Variants in ARHGEF2 observed in about 807,000 individuals in gnomAD.
ARHGEF2 encodes the protein rho guanine nucleotide exchange factor 2.
In ARHGEF2, 22 loss-of-function variants were observed where a neutral mutation model predicts 121.0. That is an observed-to-expected ratio of 0.18 (90% CI 0.13 to 0.26). The LOEUF (loss-of-function observed/expected upper bound fraction) is 0.26, where lower values mean the gene tolerates loss of function less well. ARHGEF2 is among the 10% of genes least tolerant of loss of function. The pLI is 1.00. For synonymous variants in ARHGEF2, 487 were observed against 530.0 expected (o/e 0.92, Z 1.11); for missense variants, 907 against 1,336.0 (o/e 0.68, Z 5.01).
chr1:155,952,589 A>T (rs1277694077), intron 15 of ARHGEF2, 39 bp downstream of exon 15: 7 of 1,569,656 alleles, frequency 4.5e-6, no homozygotes, highest in Non-Finnish European at 6.1e-6. Flanking sequence ...TGTGACGGTG[A>T]GTGCTTGAGC....
In ARHGEF2 at chr1:155,951,556, C is replaced by T. The variant is rs759875216; in HGVS notation, c.2209-23G>A. 235 of 1,614,024 alleles carry T rather than the reference C, an allele frequency of 1.5e-4. No homozygotes were observed. The highest frequency in any genetic ancestry group is 1.9e-4 in the Non-Finnish European group (226 of 1,180,028). On this transcript the variant is annotated intron_variant, in intron 18 of 21. Transcript: ENST00000361247. This position sits in a 1 kb window ranked among gnomAD's most constrained non-coding sequence, Gnocchi z 5.1. ...CTCCTGAGGACAGACAGGGTGGGAA[C>T]AGGGCCCCAGCTTTAGGATGGGAGA...
chr1:155,964,890 C>T (rs1679036160), intron 7 of ARHGEF2, 98 bp downstream of exon 7: 1 of 1,148,670 alleles, frequency 8.7e-7, no homozygotes, highest in Admixed American at 2.9e-5. Flanking sequence ...GAGACTCCAT[C>T]TCAAAAAAAA....
chr1:155,959,041 T>G lies in ARHGEF2; in HGVS notation c.1469-645A>C, dbSNP rs73004907. 9.7e-3 allele frequency among the ~76,000 whole-genome samples: 1,480 copies of G among 152,166 alleles called. 27 individuals are homozygous for G. Among genetic ancestry groups the G allele is most frequent in the African/African-American group, 0.034 (1,428 of 41,508 alleles). ...CCCTTTCTACCTGACTGATTCAGGTTTCTTAACCTAGGGCCTACAGACCCC... is the reference window on the plus strand; with the variant it reads ...CCCTTTCTACCTGACTGATTCAGGTGTCTTAACCTAGGGCCTACAGACCCC... On this transcript the variant is annotated intron_variant, in intron 11 of 21. Transcript: ENST00000361247.
intron 2 of ARHGEF2, among the ~76,000 whole-genome samples, chr1:155,967,432 G>A (rs1293870422): frequency 6.6e-6 from 1 of 152,110 alleles, no homozygotes; most frequent in African/African-American, 2.4e-5. Context: ...TGGCTAAATC[G>A]TCCATCAGAG....
chr1:155,962,081 C>T lies in ARHGEF2; in HGVS notation c.1219+24G>A, dbSNP rs745565609. 1 of 1,613,168 alleles carries T rather than the reference C, an allele frequency of 6.2e-7. No homozygotes were observed. The highest frequency in any genetic ancestry group is 8.5e-7 in the Non-Finnish European group (1 of 1,179,220). ...CCCCAGGTGGCCGTCTCCCAGTGGC[C>T]CTCTCCTGGGCCTGCCTACTCACCG... On this transcript the variant is annotated intron_variant, in intron 10 of 21. Coordinates refer to ENST00000361247, the MANE Select transcript of ARHGEF2 (RefSeq NM_001162383.2). This position sits in a 1 kb window ranked among gnomAD's most constrained non-coding sequence, Gnocchi z 5.8.
In ARHGEF2 at chr1:155,962,466, G is replaced by T; in HGVS notation, c.1101+127C>A. ...AGGGGTTACTGCTGACAGGATCTGT[G>T]TATGGATGGTCTGCACGGGTGGCGA... On this transcript the variant is annotated intron_variant, in intron 9 of 21. Coordinates refer to ENST00000361247, the MANE Select transcript of ARHGEF2 (RefSeq NM_001162383.2). The surrounding 1 kb of genome is among the most constrained non-coding windows in gnomAD (Gnocchi z 5.8). The T allele has an allele frequency of 1.5e-6, 2 of 1,362,360 alleles. No homozygotes were observed. Among genetic ancestry groups the T allele is most frequent in the Non-Finnish European group, 2.0e-6 (2 of 981,288 alleles). 84.4% of individuals were successfully genotyped at this position (1,362,360 alleles called of 1,614,324 possible).
chr1:155,970,653 C>CCGAGGCAA lies in ARHGEF2; in HGVS notation c.64-1354_64-1353insTTGCCTCG, dbSNP rs1553248536. ...CTCTAGGAGACCAGTACTGACTCAG[C>CCGAGGCAA]CGAGGCCACGAGGCCACGCCAGCAG... On this transcript the variant is annotated intron_variant, in intron 1 of 21. Transcript: ENST00000361247. The CCGAGGCAA allele has an allele frequency of 8.1e-6, 8 of 985,476 alleles. 1 individual carries two copies. The East Asian group carries it at 3.4e-4, about 42-fold the overall frequency. The allele number at this position is 985,476 out of a possible 1,614,324, so 61.0% of individuals were successfully genotyped here.
At chr1:155,957,905 G>T (rs1447589918) in intron 12 of ARHGEF2, 23 bp from the exon 13 acceptor site, 5 of 1,609,280 alleles carry the variant, frequency 3.1e-6, no homozygotes, top group Non-Finnish European at 3.4e-6. Context: ...GGAAAGGAAG[G>T]ATTAAGCCTG....
chr1:155,960,376 G>C (rs2102654730), intron 11 of ARHGEF2, among the ~76,000 whole-genome samples: 1 of 151,884 alleles, frequency 6.6e-6, no homozygotes, highest in South Asian at 2.1e-4. Flanking sequence ...GTCTAAGGCA[G>C]AAGGATCACT....
In ARHGEF2 at chr1:155,962,160, A is replaced by C; in HGVS notation, c.1164T>G (p.Thr388=). Residue 388 remains threonine (T), a synonymous_variant, in exon 10 of 22, where the codon ACT becomes ACG. Transcript: ENST00000361247. This position sits in a 1 kb window ranked among gnomAD's most constrained non-coding sequence, Gnocchi z 5.8. The part of the protein sequence containing the change: ...HGVQECILLV[T]QRITKYPLLI... ...GTAACGGGTACTTGGTGATGCGCTG[A>C]GTCACCAGCAGGATGCACTCCTGTA... 1 of 1,614,142 alleles carries C rather than the reference A, an allele frequency of 6.2e-7. No homozygotes were observed. The highest frequency in any genetic ancestry group is 8.5e-7 in the Non-Finnish European group (1 of 1,180,026).
In ARHGEF2 at chr1:155,950,542, G is replaced by T. The variant is rs1675203501; in HGVS notation, c.2704-60C>A. 6.4e-7 allele frequency: 1 copy of T among 1,558,028 alleles called. No homozygotes were observed. Among genetic ancestry groups the T allele is most frequent in the African/African-American group, 1.4e-5 (1 of 74,072 alleles). ...GGACTGAGTAGTGTGAAGATTGGAG[G>T]TTCTGCTTGGCTGAAGGCAGCAGCT... On this transcript the variant is annotated intron_variant, in intron 20 of 21. Transcript: ENST00000361247. The surrounding 1 kb of genome is among the most constrained non-coding windows in gnomAD (Gnocchi z 5.2).
At position 155,950,491 on chromosome 1, in the gene ARHGEF2, A is replaced by G; in HGVS notation, c.2704-9T>C. The G allele has an allele frequency of 1.9e-6, 3 of 1,613,016 alleles. No individual in the cohort carries two copies. Among genetic ancestry groups the G allele is most frequent in the Non-Finnish European group, 2.5e-6 (3 of 1,179,810 alleles). ...TCAGTGCCTCGGCTGGGCTGTGGAC[A>G]GTGGGCAGGAAGAACAGCAGGTCAG... On this transcript the variant is annotated splice_polypyrimidine_tract_variant and intron_variant, in intron 20 of 21. Transcript: ENST00000361247. This position sits in a 1 kb window ranked among gnomAD's most constrained non-coding sequence, Gnocchi z 5.2.
At chr1:155,959,675 G>A (rs1677483062) in intron 11 of ARHGEF2, among the ~76,000 whole-genome samples, 1 of 152,094 alleles carries the variant, frequency 6.6e-6, no homozygotes, top group Non-Finnish European at 1.5e-5. Context: ...CTCCCAAGTA[G>A]CTGTGGCTAC....
At chr1:155,958,418 A>C (rs1677128624) in intron 11 of ARHGEF2, 22 bp from the exon 12 acceptor site, 1 of 1,600,220 alleles carries the variant, frequency 6.2e-7, no homozygotes, top group African/African-American at 1.3e-5. Context: ...TGAAGGTGGG[A>C]GAACAGTCAG....
chr1:155,970,570 CA>C (rs1680262112), intron 1 of ARHGEF2: 1 of 985,386 alleles, frequency 1.0e-6, no homozygotes, highest in Admixed American at 6.2e-5. Context: ...AGCCCCAAGT[CA>C]GAGGACCTGG....
chr1:155,958,352 C>T lies in ARHGEF2; in HGVS notation c.1513G>A (p.Glu505Lys). 6.2e-7 allele frequency: 1 copy of T among 1,613,942 alleles called. No homozygotes were observed. The highest frequency in any genetic ancestry group is 8.5e-7 in the Non-Finnish European group (1 of 1,179,902). Reference protein sequence around the residue: ...LMTDVLVFLQEKDQKYIFPTL... With the variant: ...LMTDVLVFLQKKDQKYIFPTL... ...GGAAAGATGTACTTCTGGTCCTTTT[C>T]CTGGAGAAACACCAGTACATCTGTC... Residue 505 changes from glutamate (E) to lysine (K), a missense_variant, in exon 12 of 22, where the codon GAA becomes AAA. Glu to Lys is a moderately conservative substitution (Grantham distance 56). Transcript: ENST00000361247.
At position 155,950,987 on chromosome 1, in the gene ARHGEF2, G is replaced by T; in HGVS notation, c.2545C>A (p.Leu849Met). The T allele has an allele frequency of 6.2e-7, 1 of 1,609,116 alleles. No homozygotes were observed. ...CGAGCCTCTTCGGCCTCACGCTCCAGCAGTGCCCGGGCCTGCTCACTCTCC... is the reference window on the plus strand; with the variant it reads ...CGAGCCTCTTCGGCCTCACGCTCCATCAGTGCCCGGGCCTGCTCACTCTCC... Reference protein sequence around the residue: ...LRESEQARALLEREAEEARRQ... With the variant: ...LRESEQARALMEREAEEARRQ... The change falls in exon 20 of 22, where the codon CTG (leucine) becomes ATG (methionine). Residue 849 changes from leucine (L) to methionine (M), a missense_variant. Leu to Met is a conservative substitution (Grantham distance 15, BLOSUM62 2). Around this residue, in one of 2 missense-constraint regions of ARHGEF2, gnomAD observed 432 missense variants for 559.5 expected, o/e 0.77. Coordinates refer to ENST00000361247, the MANE Select transcript of ARHGEF2 (RefSeq NM_001162383.2). The surrounding 1 kb of genome is among the most constrained non-coding windows in gnomAD (Gnocchi z 5.2).
intron 13 of ARHGEF2, among the ~76,000 whole-genome samples, chr1:155,957,421 T>C (rs12747344): frequency 0.068 from 10,312 of 152,316 alleles, 396 homozygotes; most frequent in Middle Eastern, 0.11. Context: ...GCAGCTGAAA[T>C]TGTACTGTTG....
At chr1:155,956,777 A>T (rs931653348) in intron 13 of ARHGEF2, among the ~76,000 whole-genome samples, 12 of 150,348 alleles carry the variant, frequency 8.0e-5, no homozygotes, top group African/African-American at 2.9e-4. Flanking sequence ...CCAACATGGT[A>T]AAACCCCGTC....
Sources: allele counts gnomAD v4.1 joint callset (sites outside exome capture counted in the v4.1 genomes callset), GRCh38; gene constraint gnomAD v4.1.1; regional missense constraint gnomAD v4.1.1; non-coding constraint Gnocchi (gnomAD v3.1); transcripts MANE v1.5; gene names NCBI Gene and HGNC (gene_info 2026-07-23, HGNC 2026-07-21).